Variants in FAXDC2 observed in about 807,000 individuals in gnomAD.
The protein encoded by FAXDC2 is fatty acid hydroxylase domain containing 2.
In FAXDC2, 41 loss-of-function variants were observed where a neutral mutation model predicts 40.9. The observed-to-expected ratio is 1.00, with a 90% confidence interval of 0.78 to 1.30. FAXDC2 has a LOEUF of 1.30. Ranked by LOEUF, FAXDC2 falls within the 50% of genes most tolerant of loss-of-function variation. The pLI is 0.00. For missense variants in FAXDC2, 390 were observed against 408.8 expected, an observed-to-expected ratio of 0.95 and a Z score of 0.40; for synonymous variants, 157 against 149.3, an observed-to-expected ratio of 1.05 and a Z score of -0.38.
intron 1 of FAXDC2, among the ~76,000 whole-genome samples, chr5:154,841,896 C>T (rs1004520016): frequency 6.6e-6 from 1 of 152,098 alleles, no homozygotes; most frequent in African/African-American, 2.4e-5. Context: ...CCACCATGCA[C>T]AGCTAATTTT....
chr5:154,839,804 C>T (rs1404425682), intron 1 of FAXDC2, among the ~76,000 whole-genome samples: 1 of 152,130 alleles, frequency 6.6e-6, no homozygotes, highest in Non-Finnish European at 1.5e-5. Flanking sequence ...AAATTCTCCT[C>T]CATCACTCTG....
intron 1 of FAXDC2, among the ~76,000 whole-genome samples, chr5:154,842,220 T>C (rs1439992051): frequency 6.6e-6 from 1 of 150,496 alleles, no homozygotes; most frequent in Non-Finnish European, 1.5e-5. Flanking sequence ...TTTTTTGAGA[T>C]GGAGTCTCAC....
chr5:154,821,359 A>G lies in FAXDC2; in HGVS notation c.746T>C (p.Met249Thr). ...VMGSHLSSIT[M>T]WFSLALIITT... is the part of the protein sequence containing the mutation. ...GATGATGAGGGCCAAGGAAAACCAC[A>G]TGGTGATGGAGGACAAGTGGGAGCC... Residue 249 changes from methionine to threonine, a missense_variant, in exon 8 of 9, where the codon ATG (methionine) becomes ACG (threonine). Transcript: ENST00000326080. 6.2e-7 allele frequency: 1 copy of G among 1,611,492 alleles called. No homozygotes were observed. The highest frequency in any genetic ancestry group is 8.5e-7 in the Non-Finnish European group (1 of 1,179,098).
intron 1 of FAXDC2, among the ~76,000 whole-genome samples, chr5:154,839,630 A>C (rs541784889): frequency 5.9e-5 from 9 of 152,164 alleles, no homozygotes; most frequent in Middle Eastern, 3.4e-3. Context: ...TGGACGACAG[A>C]GTGTGACCTT....
intron 2 of FAXDC2, among the ~76,000 whole-genome samples, chr5:154,835,772 G>A (rs556792221): frequency 3.3e-5 from 5 of 151,522 alleles, no homozygotes; most frequent in East Asian, 1.9e-4. Flanking sequence ...TAATAGAGAC[G>A]GGGTTTCACT....
intron 2 of FAXDC2, among the ~76,000 whole-genome samples, chr5:154,836,541 G>T (rs1037843480): frequency 6.6e-6 from 1 of 152,174 alleles, no homozygotes; most frequent in African/African-American, 2.4e-5. Context: ...AACTGGAGGT[G>T]GTGGTCCCTA....
intron 1 of FAXDC2, among the ~76,000 whole-genome samples, chr5:154,847,400 G>A (rs561806369): frequency 1.3e-5 from 2 of 152,196 alleles, no homozygotes; most frequent in South Asian, 4.1e-4. Context: ...AATAAGGTGA[G>A]GCTGGAAGGA....
intron 2 of FAXDC2, chr5:154,835,178 G>GC: frequency 2.3e-6 from 1 of 444,434 alleles, no homozygotes; most frequent in Non-Finnish European, 4.1e-6. Flanking sequence ...AAGGGAATTA[G>GC]CCTGACTCCA....
At chr5:154,841,277 G>A (rs1760469924) in intron 1 of FAXDC2, among the ~76,000 whole-genome samples, 1 of 152,178 alleles carries the variant, frequency 6.6e-6, no homozygotes, top group South Asian at 2.1e-4. Context: ...TTGTAAGTGT[G>A]CAGTTTGTGC....
chr5:154,819,024 T>C lies in FAXDC2; in HGVS notation c.*1292A>G, dbSNP rs1759806258. 2 of 152,230 alleles carry C rather than the reference T, an allele frequency of 1.3e-5. No homozygotes were observed. The highest frequency in any genetic ancestry group is 2.4e-5 in the African/African-American group (1 of 41,438). The allele number at this position is 152,230 out of a possible 1,614,324, so 9.4% of individuals were successfully genotyped here. ...CTACTGGGCAAGTCCTCTGGGGTTC[T>C]AGAGCTGATAGGAAGAAGGAGTCCA... On this transcript the variant is annotated 3_prime_UTR_variant, in exon 9 of 9. Transcript: ENST00000326080.
chr5:154,834,710 C>T lies in FAXDC2; in HGVS notation c.159G>A (p.Trp53Ter). 1 of 1,613,822 alleles carries T rather than the reference C, an allele frequency of 6.2e-7. No individual in the cohort carries two copies. The highest frequency in any genetic ancestry group is 8.5e-7 in the Non-Finnish European group (1 of 1,179,948). The change falls in exon 4 of 9, where the codon TGG becomes TGA. Residue 53 changes from tryptophan to a stop codon, truncating the protein, a stop_gained. Transcript: ENST00000326080. LOFTEE classifies it high-confidence loss of function. ...CTTGCCAAAAGTAGCCAGAAGCACC[C>T]CAAAATCTCTGAAGATGCCTTGGAA... ...NSVTWHLQRFWGASGYFWQAQ... is the reference protein window; with the variant it reads ...NSVTWHLQRF
At chr5:154,831,283 A>AG in intron 4 of FAXDC2, 1 of 192,952 alleles carries the variant, frequency 5.2e-6, no homozygotes, top group Non-Finnish European at 1.1e-5. Flanking sequence ...TTGCCAAGGA[A>AG]GGAGAAGCAA....
At chr5:154,824,531 C>T (rs771875868) in intron 5 of FAXDC2, 28 of 702,494 alleles carry the variant, frequency 4.0e-5, no homozygotes, top group Non-Finnish European at 7.0e-5. Context: ...TTACTTCCAT[C>T]CCATTGCGAG....
chr5:154,834,556 AAAC>A, intron 4 of FAXDC2, 66 bp downstream of exon 4: 3 of 1,170,422 alleles, frequency 2.6e-6, no homozygotes, highest in South Asian at 2.6e-5. Context: ...GTAGAGAACA[AAAC>A]AACAAAAAGA....
At position 154,834,836 on chromosome 5, in the gene FAXDC2, G is replaced by A. The variant is rs1387950344; in HGVS notation, c.140+7C>T. On this transcript the variant is annotated splice_region_variant and intron_variant, in intron 3 of 8. Transcript: ENST00000326080. ...CACTGCACCCTAGCTGGGTGGAGCC[G>A]ACTTACCATGTCACTGAGTTCCAGA... 15 of 1,609,118 alleles carry A rather than the reference G, an allele frequency of 9.3e-6. No individual in the cohort carries two copies. Among genetic ancestry groups the A allele is most frequent in the Admixed American group, 3.4e-5 (2 of 59,354 alleles).
At chr5:154,823,836 C>T in intron 5 of FAXDC2, 1 of 504,384 alleles carries the variant, frequency 2.0e-6, no homozygotes, top group Non-Finnish European at 3.6e-6. Context: ...TGTGTCGGAA[C>T]CTGCCTTCTT....
chr5:154,850,412 C>G (rs1760701008), intron 1 of FAXDC2, 71 bp downstream of exon 1: 1 of 152,164 alleles, frequency 6.6e-6, no homozygotes, highest in Non-Finnish European at 1.5e-5. Flanking sequence ...TTGTTTTGCC[C>G]TTACTTTAAG....
intron 5 of FAXDC2, among the ~76,000 whole-genome samples, chr5:154,828,054 C>T (rs1006286886): frequency 6.6e-6 from 1 of 151,114 alleles, no homozygotes; most frequent in African/African-American, 2.4e-5. Context: ...CTCGTTCTGT[C>T]GCTTGGGCTG....
intron 5 of FAXDC2, among the ~76,000 whole-genome samples, chr5:154,829,952 G>A (rs1203252446): frequency 6.6e-6 from 1 of 152,222 alleles, no homozygotes; most frequent in African/African-American, 2.4e-5. Context: ...CAGGCCAGCA[G>A]TCCAGTTCAG....
Sources: gnomAD v4.1 joint callset for allele counts (sites outside exome capture counted in the v4.1 genomes callset) on GRCh38, gnomAD v4.1.1 for gene constraint, MANE v1.5 for transcripts, NCBI Gene and HGNC (gene_info 2026-07-23, HGNC 2026-07-21) for gene names.